CNOT2: variants seen among roughly 807,000 people sequenced by gnomAD.
CNOT2 encodes CCR4-NOT transcription complex subunit 2, also known as CC chemokine receptor 4-negative regulator of transcription 2.
CNOT2 carries 7 observed loss-of-function variants against 72.1 expected under a neutral mutation model. The ratio of observed to expected loss-of-function variants is 0.10; its 90% confidence interval spans 0.06 to 0.18. The LOEUF is 0.18. Ranked by LOEUF, CNOT2 falls within the 10% of genes least tolerant of loss-of-function variation. The probability of loss-of-function intolerance (pLI) is 1.00; values close to 1 mark genes in which losing one functional copy is unlikely to be tolerated. For synonymous variants in CNOT2, 196 were observed against 225.6 expected (o/e 0.87, Z 1.17); for missense variants, 345 against 660.3 (o/e 0.52, Z 5.23).
intron 1 of CNOT2, among the ~76,000 whole-genome samples, chr12:70,252,228 C>G (rs1958174043): frequency 6.6e-6 from 1 of 152,000 alleles, no homozygotes. Flanking sequence ...ACTTTGTCAC[C>G]CAGGCTGGAA....
chr12:70,338,566 G>A lies in CNOT2; in HGVS notation c.1021+3G>A. 6.2e-7 allele frequency: 1 copy of A among 1,606,832 alleles called. No homozygotes were observed. The highest frequency in any genetic ancestry group is 8.5e-7 in the Non-Finnish European group (1 of 1,178,006). The stretch of plus-strand genomic sequence containing the variant: ...AGGGATCCAGGTGTTACCTGATGGT[G>A]GGACTCTAGAAATCTATGTCAAAGA... On this transcript the variant is annotated splice_donor_region_variant and intron_variant, in intron 10 of 15. Transcript: ENST00000229195.
chr12:70,303,266 T>C (rs1440428276), intron 2 of CNOT2, among the ~76,000 whole-genome samples: 1 of 152,212 alleles, frequency 6.6e-6, no homozygotes, highest in Non-Finnish European at 1.5e-5. Context: ...ATTATGATGT[T>C]AGCTGGTGAT....
At chr12:70,318,561 C>G (rs932470940) in intron 3 of CNOT2, among the ~76,000 whole-genome samples, 2 of 151,360 alleles carry the variant, frequency 1.3e-5, no homozygotes, top group Admixed American at 6.6e-5. Context: ...TGTTACCACT[C>G]TATAGAGTAT....
At chr12:70,293,887 A>G (rs1381548088) in intron 2 of CNOT2, among the ~76,000 whole-genome samples, 1 of 149,428 alleles carries the variant, frequency 6.7e-6, no homozygotes, top group Admixed American at 6.7e-5. Context: ...TTTTCTGGAA[A>G]AGTGTGCAAG....
intron 2 of CNOT2, among the ~76,000 whole-genome samples, chr12:70,309,813 A>G (rs1430471721): frequency 6.6e-6 from 1 of 152,134 alleles, no homozygotes; most frequent in Non-Finnish European, 1.5e-5. Flanking sequence ...GTCAGTTAAT[A>G]GTTTTGATAA....
At chr12:70,316,944 A>T (rs1435761056) in intron 3 of CNOT2, among the ~76,000 whole-genome samples, 1 of 152,194 alleles carries the variant, frequency 6.6e-6, no homozygotes, top group Non-Finnish European at 1.5e-5. Context: ...TAAATATCTG[A>T]TGAAAAATGT....
intron 1 of CNOT2, among the ~76,000 whole-genome samples, chr12:70,276,567 G>T (rs183945302): frequency 1.3e-3 from 202 of 152,000 alleles, no homozygotes; most frequent in Non-Finnish European, 2.6e-3. Flanking sequence ...TGTGACAATC[G>T]TGAAAATTTG....
chr12:70,271,135 T>G (rs908171295), intron 1 of CNOT2, among the ~76,000 whole-genome samples: 1 of 152,182 alleles, frequency 6.6e-6, no homozygotes, highest in Non-Finnish European at 1.5e-5. Flanking sequence ...GAGTGTCAGC[T>G]TGTCCACAGG....
chr12:70,248,592 T>A (rs1312435356), intron 1 of CNOT2, among the ~76,000 whole-genome samples: 1 of 152,132 alleles, frequency 6.6e-6, no homozygotes, highest in Non-Finnish European at 1.5e-5. Context: ...ACATCTGGCC[T>A]TTATAGGTTT....
At chr12:70,305,254 T>G (rs1236552833) in intron 2 of CNOT2, among the ~76,000 whole-genome samples, 1 of 152,240 alleles carries the variant, frequency 6.6e-6, no homozygotes, top group African/African-American at 2.4e-5. Context: ...ACCCATCTTC[T>G]GCGACACTCA....
At chr12:70,280,562 G>C (rs1377319581) in intron 2 of CNOT2, among the ~76,000 whole-genome samples, 1 of 152,036 alleles carries the variant, frequency 6.6e-6, no homozygotes, top group Non-Finnish European at 1.5e-5. Flanking sequence ...GCTTTTGAGG[G>C]ACACTTAATA....
rs556880901 is a variant in CNOT2 at position 70,286,917 on chromosome 12, T to G, written c.48+8643T>G. Among the ~76,000 whole-genome samples, 3 of 152,264 alleles carry G rather than the reference T, an allele frequency of 2.0e-5. No homozygotes were observed. The South Asian group carries it at 6.2e-4, about 32-fold the overall frequency. ...CTTTAGTCCAATTTATGACTACTTT[T>G]GTTGCTTTTCTTGGTTGTAAATTAA... On this transcript the variant is annotated intron_variant, in intron 2 of 15. Transcript: ENST00000229195.
At chr12:70,290,081 T>C (rs1046547722) in intron 2 of CNOT2, among the ~76,000 whole-genome samples, 9 of 152,118 alleles carry the variant, frequency 5.9e-5, no homozygotes, top group African/African-American at 2.2e-4. Flanking sequence ...GAGTAATCTT[T>C]AGGGTTAATT....
At position 70,343,581 on chromosome 12, in the gene CNOT2, T is replaced by A. The variant is rs537773665; in HGVS notation, c.1291-547T>A. Among the ~76,000 whole-genome samples the A allele has an allele frequency of 6.6e-5, 10 of 152,346 alleles. No homozygotes were observed. In the East Asian group the frequency reaches 1.7e-3, roughly 26 times the overall value. On this transcript the variant is annotated intron_variant, in intron 13 of 15. Coordinates refer to ENST00000229195, the MANE Select transcript of CNOT2 (RefSeq NM_014515.7). ...CTTGTGAATCATTCACTGTCAGATA[T>A]AGATTCAGTTTAACATTTTTTATAA... is the stretch of plus-strand genomic sequence containing the variant.
At chr12:70,321,807 G>A (rs574595577) in intron 4 of CNOT2, 1 of 151,712 alleles carries the variant, frequency 6.6e-6, no homozygotes, top group Non-Finnish European at 1.5e-5. Context: ...AAGGGAGTTT[G>A]TCTTGGAATA....
At chr12:70,321,177 A>G (rs1878238591) in intron 4 of CNOT2, among the ~76,000 whole-genome samples, 2 of 151,922 alleles carry the variant, frequency 1.3e-5, no homozygotes, top group South Asian at 4.1e-4. Flanking sequence ...TTACTCTTTT[A>G]AAATGACATT....
intron 2 of CNOT2, among the ~76,000 whole-genome samples, chr12:70,290,015 C>T (rs983157260): frequency 1.3e-5 from 2 of 151,938 alleles, no homozygotes; most frequent in Non-Finnish European, 2.9e-5. Flanking sequence ...GCCATTTGAT[C>T]TTTGAGACAT....
intron 2 of CNOT2, among the ~76,000 whole-genome samples, chr12:70,302,018 T>A (rs184039991): frequency 6.6e-6 from 1 of 152,242 alleles, no homozygotes; most frequent in Non-Finnish European, 1.5e-5. Flanking sequence ...GAGGTGTTTA[T>A]AGTATTCTCT....
intron 14 of CNOT2, 50 bp from the exon 15 acceptor site, chr12:70,346,130 G>T: frequency 7.9e-7 from 1 of 1,258,436 alleles, no homozygotes; most frequent in Non-Finnish European, 1.1e-6. Context: ...GAACATGTTT[G>T]ATGTAAGCCA....
Sources: gnomAD v4.1 joint callset for allele counts (sites outside exome capture counted in the v4.1 genomes callset) on GRCh38, gnomAD v4.1.1 for gene constraint, MANE v1.5 for transcripts, NCBI Gene and HGNC (gene_info 2026-07-23, HGNC 2026-07-21) for gene names.